CCDC73: variants seen among roughly 807,000 people sequenced by gnomAD.
CCDC73 encodes the protein coiled-coil domain containing 73, also known as coiled-coil domain-containing protein 73.
Under a neutral mutation model 116.5 loss-of-function variants are expected in CCDC73, and 95 were observed. That is an observed-to-expected ratio of 0.82 (90% CI 0.69 to 0.97). CCDC73 has a LOEUF of 0.97. Among genes scored for constraint, CCDC73 ranks in the 50% least tolerant of loss-of-function variants. CCDC73 has a pLI of 0.00. For synonymous variants in CCDC73, 398 were observed against 401.3 expected (o/e 0.99, Z 0.10); for missense variants, 1,066 against 1,206.8 (o/e 0.88, Z 1.73).
At chr11:32,683,485 C>A in intron 7 of CCDC73, 51 bp downstream of exon 7, 1 of 1,157,840 alleles carries the variant, frequency 8.6e-7, no homozygotes, top group Non-Finnish European at 1.3e-6. Context: ...AACACCAATC[C>A]CCCTAAGTAC....
intron 2 of CCDC73, among the ~76,000 whole-genome samples, chr11:32,751,935 C>G (rs1850036081): frequency 6.6e-6 from 1 of 152,210 alleles, no homozygotes. Context: ...CTTAGCAAGA[C>G]AGGTCTGCTT....
intron 14 of CCDC73, among the ~76,000 whole-genome samples, chr11:32,625,759 G>T (rs1855566023): frequency 6.6e-6 from 1 of 151,974 alleles, no homozygotes; most frequent in African/African-American, 2.4e-5. Context: ...CGCAGAAAAG[G>T]CCTTTGACAA....
At chr11:32,705,411 G>C (rs1045004165) in intron 3 of CCDC73, among the ~76,000 whole-genome samples, 1 of 152,152 alleles carries the variant, frequency 6.6e-6, no homozygotes, top group Non-Finnish European at 1.5e-5. Context: ...ACTGGTGCCT[G>C]CAGTGGAAGC....
Position 32,602,843 on chromosome 11 carries a change from C to T in CCDC73, c.3208G>A (p.Glu1070Lys). The T allele has an allele frequency of 6.2e-7, 1 of 1,607,490 alleles. No homozygotes were observed. Among genetic ancestry groups the T allele is most frequent in the East Asian group, 2.2e-5 (1 of 44,788 alleles). The part of the protein sequence containing the change: ...DNQPKKRKAE[E>K]TLEKNNRLK Reference sequence around the variant, plus strand: ...AATCTGTTGTTTTTTTCCAACGTCTCTTCTGCTTTTCTTTTCTTTGGCTGG... The same window carrying T: ...AATCTGTTGTTTTTTTCCAACGTCTTTTCTGCTTTTCTTTTCTTTGGCTGG... The change falls in exon 18 of 18, where the codon GAG becomes AAG. Residue 1070 changes from glutamate (E) to lysine (K), a missense_variant. Glu to Lys is a moderately conservative substitution (Grantham distance 56, BLOSUM62 1). Coordinates refer to ENST00000335185, the MANE Select transcript of CCDC73 (RefSeq NM_001008391.4).
Position 32,611,258 on chromosome 11 carries a change from G to A in CCDC73, c.2904C>T (p.Thr968=). The change falls in exon 17 of 18, where the codon ACC becomes ACT. Residue 968 remains threonine, a synonymous_variant. Coordinates refer to ENST00000335185, the MANE Select transcript of CCDC73 (RefSeq NM_001008391.4). ...AAGTGTCAGCAACTCTGTTAATGCT[G>A]GTAGTATCTGATTGATAAAGAGGAA... The part of the protein sequence containing the change: ...DVGKDIGPDT[T]SINRVADTLN... The A allele has an allele frequency of 1.9e-6, 3 of 1,610,974 alleles. No individual in the cohort carries two copies. The highest frequency in any genetic ancestry group is 1.1e-5 in the South Asian group (1 of 90,450).
chr11:32,668,024 T>C (rs1182621505), intron 9 of CCDC73, among the ~76,000 whole-genome samples: 4 of 152,170 alleles, frequency 2.6e-5, no homozygotes, highest in Non-Finnish European at 5.9e-5. Context: ...CATTTTGCTT[T>C]AAGTTCCTCA....
chr11:32,769,173 CTTTATCT>C (rs1850470966), intron 1 of CCDC73, among the ~76,000 whole-genome samples: 1 of 152,282 alleles, frequency 6.6e-6, no homozygotes, highest in Non-Finnish European at 1.5e-5. Context: ...GATATACACC[CTTTATCT>C]GTGTAACAAA....
intron 6 of CCDC73, among the ~76,000 whole-genome samples, chr11:32,690,564 C>A (rs2133303092): frequency 6.6e-6 from 1 of 152,248 alleles, no homozygotes; most frequent in Middle Eastern, 3.4e-3. Context: ...CACCGTCCCC[C>A]TAGTGCTGCC....
At chr11:32,704,430 G>A (rs1175264072) in intron 3 of CCDC73, among the ~76,000 whole-genome samples, 1 of 152,224 alleles carries the variant, frequency 6.6e-6, no homozygotes, top group Non-Finnish European at 1.5e-5. Context: ...GCCAGACCCT[G>A]GCTGCCTTGG....
At chr11:32,645,107 C>T (rs1565065157) in intron 12 of CCDC73, among the ~76,000 whole-genome samples, 1 of 152,088 alleles carries the variant, frequency 6.6e-6, no homozygotes. Context: ...CCTAGGCCTA[C>T]ACAGAGTCAG....
chr11:32,666,698 G>C (rs991962787), intron 9 of CCDC73, among the ~76,000 whole-genome samples: 1 of 152,222 alleles, frequency 6.6e-6, no homozygotes, highest in Non-Finnish European at 1.5e-5. Context: ...TCCATTGCTG[G>C]CGAGGAGCTG....
intron 1 of CCDC73, among the ~76,000 whole-genome samples, chr11:32,778,001 T>C (rs902000127): frequency 6.6e-6 from 1 of 152,226 alleles, no homozygotes; most frequent in African/African-American, 2.4e-5. Context: ...TTCAAAATCA[T>C]TTGCCAAATA....
At chr11:32,735,695 T>C (rs1230278770) in intron 2 of CCDC73, among the ~76,000 whole-genome samples, 2 of 152,222 alleles carry the variant, frequency 1.3e-5, no homozygotes, top group African/African-American at 4.8e-5. Context: ...AGAGCTCGCA[T>C]TGCCAAGGCA....
chr11:32,743,139 G>A (rs1351820577), intron 2 of CCDC73, among the ~76,000 whole-genome samples: 1 of 152,168 alleles, frequency 6.6e-6, no homozygotes, highest in Non-Finnish European at 1.5e-5. Context: ...GTCAATGCGG[G>A]CTCTTTTTTG....
intron 2 of CCDC73, among the ~76,000 whole-genome samples, chr11:32,755,566 C>T (rs976962918): frequency 6.4e-3 from 440 of 68,270 alleles, no homozygotes; most frequent in East Asian, 0.042. Context: ...TATATATGTA[C>T]ATATATATCC....
chr11:32,712,505 T>G (rs1279901623), intron 3 of CCDC73, among the ~76,000 whole-genome samples: 2 of 152,046 alleles, frequency 1.3e-5, no homozygotes, highest in Admixed American at 6.6e-5. Context: ...CATACACAGG[T>G]GTATCAAAAC....
intron 14 of CCDC73, among the ~76,000 whole-genome samples, chr11:32,619,539 G>A (rs1332892034): frequency 6.6e-6 from 1 of 152,050 alleles, no homozygotes; most frequent in Non-Finnish European, 1.5e-5. Context: ...TGGGTGCGGT[G>A]GCACACACCT....
At chr11:32,656,946 C>T (rs995734081) in intron 9 of CCDC73, among the ~76,000 whole-genome samples, 11 of 151,842 alleles carry the variant, frequency 7.2e-5, no homozygotes, top group South Asian at 2.1e-4. Context: ...TTCTATTTTT[C>T]GTAAAATAAA....
At chr11:32,636,293 T>C (rs548242269) in intron 13 of CCDC73, among the ~76,000 whole-genome samples, 1 of 152,238 alleles carries the variant, frequency 6.6e-6, no homozygotes, top group South Asian at 2.1e-4. Flanking sequence ...ACTTCCATTG[T>C]TTTCTTAAAG....
Sources: gnomAD v4.1 joint callset for allele counts (sites outside exome capture counted in the v4.1 genomes callset) on GRCh38, gnomAD v4.1.1 for gene constraint, MANE v1.5 for transcripts, NCBI Gene and HGNC (gene_info 2026-07-23, HGNC 2026-07-21) for gene names.